IGSF10: variants seen among roughly 807,000 people sequenced by gnomAD.
The protein encoded by IGSF10 is calvaria mechanical force protein 608.
Under a neutral mutation model 128.2 loss-of-function variants are expected in IGSF10, and 126 were observed. The ratio of observed to expected loss-of-function variants is 0.98; its 90% CI spans 0.85 to 1.14. The LOEUF (loss-of-function observed/expected upper bound fraction) is 1.14. IGSF10 is among the 50% of genes most tolerant of loss of function. IGSF10 has a pLI of 0.00. For synonymous variants in IGSF10, 1,185 were observed against 1,146.2 expected, an observed-to-expected ratio of 1.03 and a Z score of -0.68; for missense variants, 3,295 against 3,149.8, an observed-to-expected ratio of 1.05 and a Z score of -1.10.
At chr3:151,492,822 A>G in the IGSF10 span, among the ~76,000 whole-genome samples, 1 of 152,160 alleles carries the variant, frequency 6.6e-6, no homozygotes, top group African/African-American at 2.4e-5. Flanking sequence ...ATCACTTCAA[A>G]AAGATACTTG....
At chr3:151,515,268 C>T in the IGSF10 span, among the ~76,000 whole-genome samples, 3 of 151,878 alleles carry the variant, frequency 2.0e-5, no homozygotes, top group East Asian at 3.9e-4. Flanking sequence ...CACATGTATG[C>T]CATGGAATAC....
the IGSF10 span, among the ~76,000 whole-genome samples, chr3:151,592,236 A>C: frequency 2.6e-5 from 1 of 38,222 alleles, no homozygotes; most frequent in African/African-American, 7.4e-5. Context: ...ACACACACAC[A>C]CACACACACA....
chr3:151,523,412 A>C, the IGSF10 span, among the ~76,000 whole-genome samples: 60 of 152,354 alleles, frequency 3.9e-4, no homozygotes, highest in Admixed American at 1.5e-3. Flanking sequence ...ACTTGACTTC[A>C]AACTGTACTG....
At chr3:151,473,123 T>A in the IGSF10 span, among the ~76,000 whole-genome samples, 1 of 152,232 alleles carries the variant, frequency 6.6e-6, no homozygotes, top group African/African-American at 2.4e-5. Context: ...TATGTGTTCT[T>A]CTGTTTTCCT....
the IGSF10 span, among the ~76,000 whole-genome samples, chr3:151,610,486 C>A: frequency 6.6e-6 from 1 of 152,084 alleles, no homozygotes; most frequent in South Asian, 2.1e-4. Flanking sequence ...GGTGTGATAG[C>A]TAGTCAGACT....
the IGSF10 span, among the ~76,000 whole-genome samples, chr3:151,496,832 C>T: frequency 6.6e-6 from 1 of 152,058 alleles, no homozygotes; most frequent in Admixed American, 6.6e-5. Flanking sequence ...ACATCCTCTC[C>T]AGCACCTGTT....
the IGSF10 span, among the ~76,000 whole-genome samples, chr3:151,600,800 G>A: frequency 2.0e-5 from 3 of 152,022 alleles, no homozygotes; most frequent in Non-Finnish European, 2.9e-5. Context: ...AAGACTGATA[G>A]ATGAAAAAAT....
At chr3:151,521,339 G>A in the IGSF10 span, among the ~76,000 whole-genome samples, 1 of 151,882 alleles carries the variant, frequency 6.6e-6, no homozygotes, top group African/African-American at 2.4e-5. Flanking sequence ...TGCAGGACCT[G>A]AACTCAACAT....
chr3:151,500,185 A>T, the IGSF10 span, among the ~76,000 whole-genome samples: 1 of 151,876 alleles, frequency 6.6e-6, no homozygotes, highest in Non-Finnish European at 1.5e-5. Context: ...CTGCAGTCAA[A>T]TAAAAAATGT....
Position 151,456,377 on chromosome 3 carries a change from T to C in IGSF10, c.324+649A>G, listed in dbSNP as rs73010422. Among the ~76,000 whole-genome samples the C allele has an allele frequency of 5.1e-3, 775 of 152,360 alleles. 8 individuals are homozygous for C. The highest frequency in any genetic ancestry group is 0.018 in the African/African-American group (750 of 41,582). ...TTCTTTCTGATTTAAAAATCATACATGGCTGTGCTTTTCCTGAACAGTTTA... is the reference window on the plus strand; with the variant it reads ...TTCTTTCTGATTTAAAAATCATACACGGCTGTGCTTTTCCTGAACAGTTTA... On this transcript the variant is annotated intron_variant, in intron 4 of 7. Transcript: ENST00000282466.
At chr3:151,434,956 G>GAA (rs1176339690), downstream of IGSF10, 2 of 151,706 alleles carry the variant, frequency 1.3e-5, 1 homozygote, top group African/African-American at 4.8e-5. Flanking sequence ...CGATTCTATT[G>GAA]AAAGTTGAGG....
At chr3:151,512,141 C>T in the IGSF10 span, among the ~76,000 whole-genome samples, 1 of 152,166 alleles carries the variant, frequency 6.6e-6, no homozygotes, top group Non-Finnish European at 1.5e-5. Flanking sequence ...AACTCTCCAC[C>T]CCAAATCAAC....
the IGSF10 span, among the ~76,000 whole-genome samples, chr3:151,613,455 T>C: frequency 2.6e-5 from 4 of 151,988 alleles, no homozygotes; most frequent in Non-Finnish European, 1.5e-5. Flanking sequence ...CAAAACAGCA[T>C]GGTACTGGTA....
At chr3:151,576,216 TA>T in the IGSF10 span, among the ~76,000 whole-genome samples, 10 of 151,898 alleles carry the variant, frequency 6.6e-5, no homozygotes, top group Non-Finnish European at 1.0e-4. Context: ...TTATTTTAAA[TA>T]TATTAGCACC....
the IGSF10 span, among the ~76,000 whole-genome samples, chr3:151,498,167 C>T: frequency 6.6e-6 from 1 of 152,104 alleles, no homozygotes; most frequent in South Asian, 2.1e-4. Flanking sequence ...CCCTTTATTT[C>T]CTTCTCCTGC....
chr3:151,476,833 C>G, the IGSF10 span, among the ~76,000 whole-genome samples: 31 of 152,304 alleles, frequency 2.0e-4, no homozygotes, highest in Admixed American at 1.4e-3. Flanking sequence ...AGTGGAGAGT[C>G]AGAACCAGAG....
At chr3:151,441,808 T>G (rs979304252) in intron 7 of IGSF10, among the ~76,000 whole-genome samples, 2 of 152,194 alleles carry the variant, frequency 1.3e-5, no homozygotes, top group Non-Finnish European at 1.5e-5. Context: ...ATGCCTGTAA[T>G]CCCAGCACTT....
the IGSF10 span, among the ~76,000 whole-genome samples, chr3:151,567,150 C>A: frequency 6.6e-6 from 1 of 152,140 alleles, no homozygotes; most frequent in Non-Finnish European, 1.5e-5. Flanking sequence ...AGCCAATGAT[C>A]ATAGATGAGG....
At chr3:151,453,232 T>G in intron 5 of IGSF10, 152 bp downstream of exon 5, 1 of 646,190 alleles carries the variant, frequency 1.5e-6, no homozygotes, top group Non-Finnish European at 2.5e-6. Flanking sequence ...AACACAGCCA[T>G]AGATGATGTG....
Sources: allele counts gnomAD v4.1 joint callset (sites outside exome capture counted in the v4.1 genomes callset), GRCh38; gene constraint gnomAD v4.1.1; transcripts MANE v1.5; gene names NCBI Gene and HGNC (gene_info 2026-07-23, HGNC 2026-07-21).